The following RSU1 variants were observed in gnomAD, a reference collection of about 807,000 sequenced individuals.
The protein encoded by RSU1 is Ras suppressor protein 1, also known as rsu-1.
A neutral mutation model predicts 31.1 loss-of-function variants in RSU1; 26 were observed. That is an observed-to-expected ratio of 0.84 (90% CI 0.61 to 1.16). The LOEUF (loss-of-function observed/expected upper bound fraction) is 1.16. RSU1 is among the 50% of genes most tolerant of loss of function. The probability of loss-of-function intolerance (pLI) is 0.00; values close to 1 mark genes in which losing one functional copy is unlikely to be tolerated. For missense variants in RSU1, 320 were observed against 339.1 expected (o/e 0.94, Z 0.44); for synonymous variants, 164 against 136.3 (o/e 1.20, Z -1.41).
At chr10:16,614,931 A>G (rs933002222) in intron 8 of RSU1, among the ~76,000 whole-genome samples, 2 of 152,350 alleles carry the variant, frequency 1.3e-5, no homozygotes, top group Middle Eastern at 3.4e-3. Flanking sequence ...CTGCAAAAAT[A>G]TAACAAAATA....
chr10:16,796,408 C>A (rs940027179), intron 2 of RSU1, among the ~76,000 whole-genome samples: 4 of 152,212 alleles, frequency 2.6e-5, no homozygotes, highest in South Asian at 4.1e-4. Context: ...TGCTCCAGTC[C>A]ATTCCCTCCA....
At chr10:16,694,341 A>T (rs539640857) in intron 8 of RSU1, among the ~76,000 whole-genome samples, 1 of 152,122 alleles carries the variant, frequency 6.6e-6, no homozygotes, top group African/African-American at 2.4e-5. Context: ...AGTACTCTCT[A>T]CTGATTTTAT....
chr10:16,631,912 G>A (rs889195099), intron 8 of RSU1, among the ~76,000 whole-genome samples: 2 of 152,214 alleles, frequency 1.3e-5, no homozygotes, highest in African/African-American at 2.4e-5. Context: ...CGGTCATGGG[G>A]ATGGGGGACA....
intron 8 of RSU1, among the ~76,000 whole-genome samples, chr10:16,674,484 T>G (rs1284126516): frequency 6.7e-6 from 1 of 149,906 alleles, no homozygotes; most frequent in African/African-American, 2.5e-5. Context: ...ACAGCTCTCA[T>G]CGAATATTCA....
chr10:16,618,632 A>G (rs1474800900), intron 8 of RSU1, among the ~76,000 whole-genome samples: 1 of 152,234 alleles, frequency 6.6e-6, no homozygotes, highest in African/African-American at 2.4e-5. Flanking sequence ...CACACCATGG[A>G]ATACTATATA....
At chr10:16,759,374 G>A (rs1837161203) in intron 4 of RSU1, among the ~76,000 whole-genome samples, 1 of 152,090 alleles carries the variant, frequency 6.6e-6, no homozygotes, top group African/African-American at 2.4e-5. Context: ...TGGCGTGGTG[G>A]TGCGTACCTG....
At chr10:16,743,546 C>T (rs1836791392) in intron 7 of RSU1, among the ~76,000 whole-genome samples, 1 of 152,102 alleles carries the variant, frequency 6.6e-6, no homozygotes, top group African/African-American at 2.4e-5. Context: ...TGTTAGTGAT[C>T]AATTGACAAA....
chr10:16,717,556 A>G lies in RSU1; in HGVS notation c.599-22401T>C, dbSNP rs560311032. 3.3e-5 allele frequency among the ~76,000 whole-genome samples: 5 copies of G among 152,364 alleles called. No homozygotes were observed. In the South Asian group the frequency reaches 1.0e-3, roughly 32 times the overall value. ...TGAAAGCAATTATTTCCATATAACC[A>G]TGTATGTAAACACACAGATAAATGT... is the stretch of plus-strand genomic sequence containing the variant. On this transcript the variant is annotated intron_variant, in intron 7 of 8. Transcript: ENST00000345264.
intron 7 of RSU1, among the ~76,000 whole-genome samples, chr10:16,737,409 A>G (rs188838449): frequency 2.6e-5 from 4 of 152,218 alleles, no homozygotes; most frequent in Admixed American, 2.0e-4. Context: ...AAAGACACTA[A>G]AACAATGCAA....
At chr10:16,629,244 G>T (rs1040008868) in intron 8 of RSU1, among the ~76,000 whole-genome samples, 1 of 152,140 alleles carries the variant, frequency 6.6e-6, no homozygotes, top group Non-Finnish European at 1.5e-5. Flanking sequence ...GTTACCAGGT[G>T]ATATCGATGC....
intron 7 of RSU1, among the ~76,000 whole-genome samples, chr10:16,729,536 A>G (rs1836461678): frequency 6.6e-6 from 1 of 152,170 alleles, no homozygotes; most frequent in African/African-American, 2.4e-5. Flanking sequence ...AGGAAGGCCA[A>G]GGAAGGTGAT....
At chr10:16,699,561 A>C (rs1588722900) in intron 7 of RSU1, among the ~76,000 whole-genome samples, 1 of 152,256 alleles carries the variant, frequency 6.6e-6, no homozygotes, top group African/African-American at 2.4e-5. Context: ...CTCTGACGCC[A>C]CACGCTTCAG....
At chr10:16,797,854 TTC>T (rs1838072138) in intron 2 of RSU1, among the ~76,000 whole-genome samples, 1 of 109,784 alleles carries the variant, frequency 9.1e-6, no homozygotes, top group African/African-American at 5.8e-5. Context: ...TGGGGATTTC[TTC>T]TTTTTTTTTT....
At chr10:16,642,404 G>T (rs1031958010) in intron 8 of RSU1, among the ~76,000 whole-genome samples, 1 of 152,176 alleles carries the variant, frequency 6.6e-6, no homozygotes, top group Admixed American at 6.5e-5. Context: ...TTGGACTCTG[G>T]TTAGCAATAG....
chr10:16,723,961 A>C (rs766972594), intron 7 of RSU1, among the ~76,000 whole-genome samples: 1 of 151,952 alleles, frequency 6.6e-6, no homozygotes, highest in African/African-American at 2.4e-5. Context: ...TTTTTTTGAG[A>C]TGGGGTTTCA....
At chr10:16,617,622 C>G (rs1013157335) in intron 8 of RSU1, among the ~76,000 whole-genome samples, 2 of 152,304 alleles carry the variant, frequency 1.3e-5, no homozygotes, top group South Asian at 2.1e-4. Context: ...CAGCATGGTA[C>G]TGGTATCAAA....
chr10:16,630,063 T>A (rs1366873200), intron 8 of RSU1, among the ~76,000 whole-genome samples: 1 of 152,130 alleles, frequency 6.6e-6, no homozygotes, highest in Admixed American at 6.6e-5. Flanking sequence ...TTTTTAAAGT[T>A]TTTAAATTTT....
intron 8 of RSU1, among the ~76,000 whole-genome samples, chr10:16,598,067 G>A (rs1309270873): frequency 6.6e-6 from 1 of 152,248 alleles, no homozygotes; most frequent in Non-Finnish European, 1.5e-5. Context: ...GCAAGTAAGT[G>A]TGGTAGACAG....
rs374156595 is a variant in RSU1, at chr10:16,782,097, G to GA, written c.110-14dup. On this transcript the variant is annotated splice_polypyrimidine_tract_variant and intron_variant, in intron 2 of 8. Transcript: ENST00000345264. ...TGGGATAAGGTAACTAAAAAGAAAA[G>GA]AAAAAAAAAAAGGTCAGTCAGTAAA... The GA allele has an allele frequency of 0.06, 62,903 of 1,047,682 alleles. 5 individuals are homozygous for GA. The highest frequency in any genetic ancestry group is 0.073 in the South Asian group (3,723 of 51,260). 64.9% of individuals were successfully genotyped at this position (1,047,682 alleles called of 1,614,324 possible). A position where few individuals can be genotyped will look rare whatever the true frequency, so the allele number is the denominator to read the frequency against.
Sources: gnomAD v4.1 joint callset for allele counts (sites outside exome capture counted in the v4.1 genomes callset) on GRCh38, gnomAD v4.1.1 for gene constraint, MANE v1.5 for transcripts, NCBI Gene and HGNC (gene_info 2026-07-23, HGNC 2026-07-21) for gene names.